Variants in KIF6 observed in about 807,000 individuals in gnomAD.
KIF6 encodes the protein kinesin family member 6, also known as kinesin-like protein KIF6.
KIF6 carries 106 observed loss-of-function variants against 112.7 expected under a neutral mutation model. The ratio of observed to expected loss-of-function variants is 0.94; its 90% CI spans 0.80 to 1.11. KIF6 has a LOEUF of 1.11. KIF6 is among the 50% of genes least tolerant of loss of function. The pLI is 0.00. For synonymous variants in KIF6, 339 were observed against 339.9 expected (o/e 1.00, Z 0.03); for missense variants, 929 against 964.0 (o/e 0.96, Z 0.48).
chr6:39,381,235 G>A (rs958869279), intron 16 of KIF6, among the ~76,000 whole-genome samples: 2 of 151,988 alleles, frequency 1.3e-5, no homozygotes, highest in African/African-American at 2.4e-5. Flanking sequence ...CCTTCCCCAC[G>A]ACAAACCCAA....
chr6:39,497,998 T>C (rs1011904189), intron 13 of KIF6, among the ~76,000 whole-genome samples: 4 of 152,196 alleles, frequency 2.6e-5, no homozygotes, highest in Non-Finnish European at 4.4e-5. Context: ...AATTCCATAA[T>C]TCCCAAACTT....
At chr6:39,433,844 C>T (rs1481274887) in intron 13 of KIF6, among the ~76,000 whole-genome samples, 3 of 152,192 alleles carry the variant, frequency 2.0e-5, no homozygotes, top group Non-Finnish European at 4.4e-5. Flanking sequence ...GAGCCCAGGT[C>T]CCAGCCTGGC....
At chr6:39,383,919 T>G (rs925946257) in intron 16 of KIF6, among the ~76,000 whole-genome samples, 1 of 152,234 alleles carries the variant, frequency 6.6e-6, no homozygotes, top group African/African-American at 2.4e-5. Flanking sequence ...GTGGCTATTG[T>G]AAATGGGTTG....
At chr6:39,498,430 T>C (rs953241002) in intron 13 of KIF6, among the ~76,000 whole-genome samples, 3 of 152,172 alleles carry the variant, frequency 2.0e-5, no homozygotes, top group African/African-American at 7.2e-5. Context: ...GTTAGAGCAA[T>C]TGTAGCTATA....
At chr6:39,449,726 T>C (rs1772560980) in intron 13 of KIF6, among the ~76,000 whole-genome samples, 2 of 152,196 alleles carry the variant, frequency 1.3e-5, no homozygotes, top group South Asian at 4.1e-4. Context: ...GAGAGAGCAG[T>C]CGCAGTCCCA....
At chr6:39,399,837 T>G (rs1768552845) in intron 15 of KIF6, among the ~76,000 whole-genome samples, 1 of 152,226 alleles carries the variant, frequency 6.6e-6, no homozygotes. Flanking sequence ...AACAGTACCT[T>G]GTTCAAGTTT....
chr6:39,691,306 T>C (rs1788195367), intron 3 of KIF6: 1 of 152,224 alleles, frequency 6.6e-6, no homozygotes, highest in South Asian at 2.1e-4. Flanking sequence ...AGCTCCCTTA[T>C]GATAACCTTT....
At chr6:39,537,513 T>C (rs957403450) in intron 13 of KIF6, among the ~76,000 whole-genome samples, 19 of 151,608 alleles carry the variant, frequency 1.3e-4, no homozygotes, top group African/African-American at 2.9e-4. Context: ...TTACAAGGGA[T>C]GTGAAGGACC....
intron 13 of KIF6, among the ~76,000 whole-genome samples, chr6:39,535,943 C>A (rs1026327820): frequency 6.6e-6 from 1 of 152,160 alleles, no homozygotes; most frequent in Non-Finnish European, 1.5e-5. Flanking sequence ...GGAAACTGAA[C>A]AATCTGCTCC....
intron 13 of KIF6, among the ~76,000 whole-genome samples, chr6:39,439,084 T>C (rs1050045585): frequency 6.6e-5 from 10 of 152,182 alleles, no homozygotes; most frequent in African/African-American, 2.2e-4. Context: ...GTTCACAAAA[T>C]GATGAAGTCA....
chr6:39,355,351 G>T (rs17351024), intron 19 of KIF6, among the ~76,000 whole-genome samples: 6,215 of 151,798 alleles, frequency 0.041, 199 homozygotes, highest in Non-Finnish European at 0.055. Flanking sequence ...AATACAGGCT[G>T]AAGTGCTGGC....
At chr6:39,658,499 C>A (rs1269291942) in intron 3 of KIF6, among the ~76,000 whole-genome samples, 1 of 152,122 alleles carries the variant, frequency 6.6e-6, no homozygotes, top group Non-Finnish European at 1.5e-5. Context: ...ATACCTAATA[C>A]TCTTACAACA....
intron 16 of KIF6, among the ~76,000 whole-genome samples, chr6:39,376,683 C>G (rs906460091): frequency 1.3e-5 from 2 of 152,216 alleles, no homozygotes; most frequent in African/African-American, 4.8e-5. Context: ...TCATCACTGT[C>G]TAGTGTGACT....
intron 16 of KIF6, among the ~76,000 whole-genome samples, chr6:39,364,296 T>C (rs1368461826): frequency 1.3e-5 from 2 of 152,098 alleles, no homozygotes; most frequent in African/African-American, 4.8e-5. Flanking sequence ...AATTTTTGTA[T>C]TTTTAGTAGA....
Position 39,484,105 on chromosome 6 carries a change from A to G in KIF6, c.1646-52944T>C, listed in dbSNP as rs558449821. 2.0e-5 allele frequency among the ~76,000 whole-genome samples: 3 copies of G among 152,314 alleles called. No individual in the cohort carries two copies. In the East Asian group the frequency reaches 5.8e-4, roughly 29 times the overall value. On this transcript the variant is annotated intron_variant, in intron 13 of 22. Coordinates refer to ENST00000287152, the MANE Select transcript of KIF6 (RefSeq NM_145027.6). ...TGACTTAAAGGAACTTACTGCTGCC[A>G]TCATTCACTCTGCATTCGCTACATA...
chr6:39,337,172 CTTCTTTCTTTCTTTCTTTCT>C (rs71543959), intron 22 of KIF6, among the ~76,000 whole-genome samples: 25 of 59,502 alleles, frequency 4.2e-4, no homozygotes, highest in Admixed American at 1.6e-3. Flanking sequence ...TCTTTCCTTC[CTTCTTTCTTTCTTTCTTTCT>C]TTCTTTCTTT....
At chr6:39,680,859 G>C (rs995984485) in intron 3 of KIF6, among the ~76,000 whole-genome samples, 3 of 152,164 alleles carry the variant, frequency 2.0e-5, no homozygotes, top group African/African-American at 7.2e-5. Flanking sequence ...ATAGGGAATA[G>C]AAGAAGGACT....
chr6:39,356,366 A>G (rs540331446), intron 19 of KIF6, among the ~76,000 whole-genome samples: 1 of 152,014 alleles, frequency 6.6e-6, no homozygotes, highest in East Asian at 1.9e-4. Context: ...CCTGGGTTCA[A>G]GTGATTCTCC....
chr6:39,408,634 T>A (rs1769259709), intron 15 of KIF6, among the ~76,000 whole-genome samples: 1 of 152,110 alleles, frequency 6.6e-6, no homozygotes, highest in Non-Finnish European at 1.5e-5. Flanking sequence ...TGCCTCTCTC[T>A]CTCTCTCTCT....
Sources: allele counts gnomAD v4.1 joint callset (sites outside exome capture counted in the v4.1 genomes callset), GRCh38; gene constraint gnomAD v4.1.1; transcripts MANE v1.5; gene names NCBI Gene and HGNC (gene_info 2026-07-23, HGNC 2026-07-21).